The following COPB2 variants were observed in gnomAD, a reference collection of about 807,000 sequenced individuals.
COPB2 encodes the protein coatomer subunit beta'.
COPB2 carries 16 observed loss-of-function variants against 120.8 expected under a neutral mutation model. The ratio of observed to expected loss-of-function variants is 0.13; its 90% CI spans 0.09 to 0.20. The LOEUF is 0.20. Among genes scored for constraint, COPB2 ranks in the 10% least tolerant of loss-of-function variants. COPB2 has a pLI of 1.00. For synonymous variants in COPB2, 332 were observed against 366.3 expected, an observed-to-expected ratio of 0.91 and a Z score of 1.07; for missense variants, 794 against 1,076.5, an observed-to-expected ratio of 0.74 and a Z score of 3.67.
At position 139,361,159 on chromosome 3, in the gene COPB2, A is replaced by G; in HGVS notation, c.2132T>C (p.Met711Thr). 5.6e-6 allele frequency: 9 copies of G among 1,614,218 alleles called. No individual in the cohort carries two copies. Among genetic ancestry groups the G allele is most frequent in the South Asian group, 1.1e-5 (1 of 91,084 alleles). Residue 711 changes from methionine to threonine, a missense_variant, in exon 17 of 22, where the codon ATG becomes ACG. Physicochemically the swap from Met to Thr is moderately conservative, Grantham distance 81. This residue lies in a region of COPB2 where 610 missense variants were observed against 866.7 expected (regional missense o/e 0.70). Coordinates refer to ENST00000333188, the MANE Select transcript of COPB2 (RefSeq NM_004766.3). ...LLATASGNAN[M>T]VNKLAEGAER... Reference sequence around the variant, plus strand: ...CGCACCCTCTGCTAGCTTGTTCACCATATTAGCATTTCCAGAGGCAGTGGC... The same window carrying G: ...CGCACCCTCTGCTAGCTTGTTCACCGTATTAGCATTTCCAGAGGCAGTGGC...
chr3:139,358,687 A>C, intron 20 of COPB2, 57 bp downstream of exon 20: 1 of 1,074,422 alleles, frequency 9.3e-7, no homozygotes, highest in Non-Finnish European at 1.4e-6. Flanking sequence ...TCTCAAAAGA[A>C]AAAAAAAAAA....
At chr3:139,369,663 T>A (rs1941586661) in intron 10 of COPB2, 119 bp from the exon 11 acceptor site, 1 of 671,798 alleles carries the variant, frequency 1.5e-6, no homozygotes, top group Non-Finnish European at 2.5e-6. Flanking sequence ...AAATAAATAT[T>A]TGAAGATTAT....
chr3:139,381,241 C>T (rs751291812), intron 2 of COPB2: 45 of 152,318 alleles, frequency 3.0e-4, no homozygotes, highest in Non-Finnish European at 5.1e-4. Flanking sequence ...TCCTAAAATA[C>T]TATGTTTTTT....
intron 14 of COPB2, 64 bp from the exon 15 acceptor site, chr3:139,366,839 C>T (rs1341489984): frequency 6.5e-7 from 1 of 1,545,254 alleles, no homozygotes; most frequent in Non-Finnish European, 8.9e-7. Flanking sequence ...ACACACCCCG[C>T]CAATCTCCCT....
chr3:139,375,414 G>A, intron 6 of COPB2, 54 bp downstream of exon 6: 1 of 1,562,634 alleles, frequency 6.4e-7, no homozygotes, highest in Middle Eastern at 1.7e-4. Context: ...TGTCCTATAA[G>A]AAATAGTAAG....
intron 4 of COPB2, 84 bp from the exon 5 acceptor site, chr3:139,378,273 C>CT: frequency 7.9e-7 from 1 of 1,272,500 alleles, no homozygotes; most frequent in Non-Finnish European, 1.1e-6. Flanking sequence ...AGAAGCAAAC[C>CT]TAACACAAAC....
chr3:139,360,192 T>TAAAA (rs10665711), intron 17 of COPB2, among the ~76,000 whole-genome samples: 5 of 147,546 alleles, frequency 3.4e-5, no homozygotes, highest in Admixed American at 2.7e-4. Context: ...TATGGGATTG[T>TAAAA]AAAAAAAAAA....
chr3:139,375,677 C>T (rs1941700116), intron 5 of COPB2, 63 bp from the exon 6 acceptor site: 1 of 1,531,582 alleles, frequency 6.5e-7, no homozygotes, highest in African/African-American at 1.4e-5. Context: ...GGCAAATCCA[C>T]CATATTTCTG....
chr3:139,369,057 TG>T (rs1214060873), intron 12 of COPB2, among the ~76,000 whole-genome samples: 1 of 152,200 alleles, frequency 6.6e-6, no homozygotes, highest in East Asian at 1.9e-4. Flanking sequence ...AAATCAGGAT[TG>T]TTGTATCCTA....
At chr3:139,366,422 T>C in intron 15 of COPB2, 146 bp downstream of exon 15, 1 of 678,588 alleles carries the variant, frequency 1.5e-6, no homozygotes, top group South Asian at 2.0e-5. Flanking sequence ...TCATGTGCTG[T>C]AATAAGTGCC....
At chr3:139,359,931 A>G (rs1385589542) in intron 17 of COPB2, among the ~76,000 whole-genome samples, 1 of 152,212 alleles carries the variant, frequency 6.6e-6, no homozygotes, top group African/African-American at 2.4e-5. Flanking sequence ...AGCCACAAAC[A>G]TTAATACTGC....
chr3:139,364,394 G>A (rs1941479956), intron 15 of COPB2, among the ~76,000 whole-genome samples: 1 of 152,086 alleles, frequency 6.6e-6, no homozygotes, highest in Non-Finnish European at 1.5e-5. Context: ...TCCAGACCAG[G>A]AGATTCCAAG....
intron 5 of COPB2, among the ~76,000 whole-genome samples, chr3:139,376,788 C>T (rs2107806299): frequency 6.6e-6 from 1 of 152,306 alleles, no homozygotes; most frequent in East Asian, 1.9e-4. Context: ...CTCGCTCTGT[C>T]CCCCAAGTTG....
At chr3:139,387,205 T>C (rs1257710284) in intron 1 of COPB2, among the ~76,000 whole-genome samples, 2 of 149,556 alleles carry the variant, frequency 1.3e-5, no homozygotes, top group African/African-American at 5.0e-5. Flanking sequence ...AGTGAGATTC[T>C]GTCAAGAAAG....
In COPB2 at chr3:139,357,738, T is replaced by G; in HGVS notation, c.*125A>C. ...GATGTGGGCATTGTGCTCCCAGTGG[T>G]CCACAGCATTTACATATAAAAATCT... On this transcript the variant is annotated 3_prime_UTR_variant, in exon 22 of 22. Coordinates refer to ENST00000333188, the MANE Select transcript of COPB2 (RefSeq NM_004766.3). 1 of 525,210 alleles carries G rather than the reference T, an allele frequency of 1.9e-6. No individual in the cohort carries two copies. Among genetic ancestry groups the G allele is most frequent in the Non-Finnish European group, 3.3e-6 (1 of 301,014 alleles). The allele number at this position is 525,210 out of a possible 1,614,324, so 32.5% of individuals were successfully genotyped here.
At chr3:139,379,272 C>T (rs1489958784) in intron 3 of COPB2, 99 bp from the exon 4 acceptor site, 2 of 1,555,640 alleles carry the variant, frequency 1.3e-6, no homozygotes, top group Non-Finnish European at 1.8e-6. Context: ...TGCCTCAAAA[C>T]ATTGCTGTAA....
intron 5 of COPB2, among the ~76,000 whole-genome samples, chr3:139,377,024 C>T (rs1487029753): frequency 6.6e-6 from 1 of 152,178 alleles, no homozygotes. Context: ...GCTGGGATTA[C>T]AGGCGTGAGC....
At position 139,362,479 on chromosome 3, in the gene COPB2, A is replaced by T; in HGVS notation, c.1923T>A (p.Pro641=). 1 of 1,612,746 alleles carries T rather than the reference A, an allele frequency of 6.2e-7. No homozygotes were observed. Among genetic ancestry groups the T allele is most frequent in the African/African-American group, 1.3e-5 (1 of 75,032 alleles). ...GAAGAGCAAGCTCAAAACGATGCTC[A>T]GGATCTGTGGATACTGTAAGAGCTT... ...KQQALTVSTD[P]EHRFELALQL... is the part of the protein sequence containing the mutation. Residue 641 remains proline (P), a synonymous_variant, in exon 16 of 22, where the codon CCT becomes CCA. Coordinates refer to ENST00000333188, the MANE Select transcript of COPB2 (RefSeq NM_004766.3).
At chr3:139,383,583 T>A in intron 1 of COPB2, 148 bp from the exon 2 acceptor site, 1 of 685,648 alleles carries the variant, frequency 1.5e-6, no homozygotes, top group Admixed American at 3.7e-5. Context: ...TAAGCACTTA[T>A]TTCTTCATTT....
Sources: gnomAD v4.1 joint callset for allele counts (sites outside exome capture counted in the v4.1 genomes callset) on GRCh38, gnomAD v4.1.1 for gene constraint, gnomAD v4.1.1 regional missense constraint, MANE v1.5 for transcripts, NCBI Gene and HGNC (gene_info 2026-07-23, HGNC 2026-07-21) for gene names.